SGCZ: variants seen among roughly 807,000 people sequenced by gnomAD.
SGCZ encodes sarcoglycan zeta.
SGCZ carries 40 observed loss-of-function variants against 41.3 expected under a neutral mutation model. That is an observed-to-expected ratio of 0.97 (90% CI 0.75 to 1.26). The LOEUF (loss-of-function observed/expected upper bound fraction) is 1.26, where lower values mean the gene tolerates loss of function less well. Among genes scored for constraint, SGCZ ranks in the 50% most tolerant of loss-of-function variants. SGCZ has a pLI of 0.00. For synonymous variants in SGCZ, 206 were observed against 137.5 expected (o/e 1.50, Z -3.49); for missense variants, 552 against 369.8 (o/e 1.49, Z -4.04).
intron 1 of SGCZ, among the ~76,000 whole-genome samples, chr8:14,963,671 A>G (rs78189738): frequency 7.2e-4 from 109 of 152,224 alleles, no homozygotes; most frequent in Non-Finnish European, 1.2e-3. Flanking sequence ...CTAATTTTCA[A>G]ATAGTATTGT....
chr8:15,061,408 G>A (rs1264209174), intron 1 of SGCZ, among the ~76,000 whole-genome samples: 1 of 151,808 alleles, frequency 6.6e-6, no homozygotes, highest in Non-Finnish European at 1.5e-5. Context: ...GGAAGGGATA[G>A]CACTAGGAGA....
At chr8:15,090,653 G>T (rs890091654) in intron 1 of SGCZ, among the ~76,000 whole-genome samples, 2 of 152,196 alleles carry the variant, frequency 1.3e-5, no homozygotes, top group East Asian at 3.9e-4. Context: ...CTTCCATCTG[G>T]AAGGTCTCCA....
chr8:14,892,915 A>T (rs1032101354), intron 1 of SGCZ, among the ~76,000 whole-genome samples: 2 of 152,182 alleles, frequency 1.3e-5, no homozygotes, highest in Non-Finnish European at 2.9e-5. Flanking sequence ...TTAGACCAAG[A>T]AGTTTGCACA....
intron 1 of SGCZ, among the ~76,000 whole-genome samples, chr8:15,079,321 T>A (rs1043775382): frequency 6.6e-6 from 1 of 152,220 alleles, no homozygotes; most frequent in African/African-American, 2.4e-5. Context: ...AGCCTATCTG[T>A]TGTCTTTATA....
At chr8:15,097,247 T>G (rs955972481) in intron 1 of SGCZ, among the ~76,000 whole-genome samples, 4 of 152,204 alleles carry the variant, frequency 2.6e-5, no homozygotes, top group Non-Finnish European at 4.4e-5. Flanking sequence ...TGCACATACT[T>G]GTAATATTTA....
chr8:15,012,585 CAT>C (rs36179823), intron 1 of SGCZ, among the ~76,000 whole-genome samples: 53,505 of 117,570 alleles, frequency 0.46, 12,004 homozygotes, highest in Non-Finnish European at 0.55. Context: ...ATTTATATAA[CAT>C]ATAAATATAT....
chr8:14,962,443 A>C (rs1423666944), intron 1 of SGCZ, among the ~76,000 whole-genome samples: 1 of 152,008 alleles, frequency 6.6e-6, no homozygotes, highest in Non-Finnish European at 1.5e-5. Flanking sequence ...AAGAAAAATG[A>C]ATGTGTGTTC....
intron 1 of SGCZ, among the ~76,000 whole-genome samples, chr8:14,712,047 T>G (rs1346155971): frequency 6.6e-6 from 1 of 152,118 alleles, no homozygotes; most frequent in Non-Finnish European, 1.5e-5. Context: ...GGTGGGTGGA[T>G]CACCTGAGGT....
At chr8:14,755,088 G>T (rs1274282736) in intron 1 of SGCZ, among the ~76,000 whole-genome samples, 2 of 151,886 alleles carry the variant, frequency 1.3e-5, no homozygotes, top group African/African-American at 2.4e-5. Flanking sequence ...TATTCATGTT[G>T]TTTATTCACA....
chr8:14,258,654 CA>C (rs1585290018), intron 3 of SGCZ, among the ~76,000 whole-genome samples: 1 of 151,934 alleles, frequency 6.6e-6, no homozygotes, highest in East Asian at 1.9e-4. Context: ...CAGAAGAGCA[CA>C]AAATAATATA....
chr8:14,688,405 C>G (rs1003587249), intron 1 of SGCZ, among the ~76,000 whole-genome samples: 1 of 152,154 alleles, frequency 6.6e-6, no homozygotes, highest in Non-Finnish European at 1.5e-5. Flanking sequence ...GTTCAGCTTT[C>G]TACCTATGGC....
chr8:14,438,078 T>C (rs909565036), intron 2 of SGCZ, among the ~76,000 whole-genome samples: 1 of 151,850 alleles, frequency 6.6e-6, no homozygotes, highest in Admixed American at 6.6e-5. Context: ...TTTCCTATCA[T>C]ATAATTGATG....
At chr8:14,778,409 A>C (rs968510399) in intron 1 of SGCZ, among the ~76,000 whole-genome samples, 4 of 152,150 alleles carry the variant, frequency 2.6e-5, no homozygotes, top group Non-Finnish European at 4.4e-5. Flanking sequence ...ATGAATTTGT[A>C]AATGAACTTT....
At chr8:14,965,272 A>T (rs1801096355) in intron 1 of SGCZ, among the ~76,000 whole-genome samples, 1 of 152,210 alleles carries the variant, frequency 6.6e-6, no homozygotes, top group African/African-American at 2.4e-5. Context: ...TGGTCCAGTC[A>T]AACTGGTAGG....
At chr8:14,304,462 C>T (rs1339603668) in intron 3 of SGCZ, among the ~76,000 whole-genome samples, 3 of 152,018 alleles carry the variant, frequency 2.0e-5, no homozygotes, top group Non-Finnish European at 4.4e-5. Context: ...GGCATGGTGG[C>T]ACATGCCTGT....
At chr8:15,074,624 T>G (rs1462046566) in intron 1 of SGCZ, among the ~76,000 whole-genome samples, 1 of 152,092 alleles carries the variant, frequency 6.6e-6, no homozygotes, top group African/African-American at 2.4e-5. Flanking sequence ...TTCTCTCCTC[T>G]CCCACCATGA....
At chr8:14,134,867 T>C (rs896722551) in intron 5 of SGCZ, among the ~76,000 whole-genome samples, 113 of 145,488 alleles carry the variant, frequency 7.8e-4, no homozygotes, top group Middle Eastern at 3.6e-3. Flanking sequence ...CTGTTTGATA[T>C]GTTTTTTAAA....
chr8:14,341,286 C>T (rs1802694963), intron 2 of SGCZ, among the ~76,000 whole-genome samples: 1 of 152,152 alleles, frequency 6.6e-6, no homozygotes, highest in Admixed American at 6.6e-5. Flanking sequence ...GAGTATATAT[C>T]CGAAAGCAGA....
chr8:15,039,545 T>C (rs768139602), intron 1 of SGCZ, among the ~76,000 whole-genome samples: 1 of 152,150 alleles, frequency 6.6e-6, no homozygotes, highest in Non-Finnish European at 1.5e-5. Context: ...AGAAATCTAT[T>C]GGACAATATG....
Sources: gnomAD v4.1 joint callset for allele counts (sites outside exome capture counted in the v4.1 genomes callset) on GRCh38, gnomAD v4.1.1 for gene constraint, MANE v1.5 for transcripts, NCBI Gene and HGNC (gene_info 2026-07-23, HGNC 2026-07-21) for gene names.